The following ARHGEF3 variants were observed in gnomAD, a reference collection of about 807,000 sequenced individuals.
The protein encoded by ARHGEF3 is Rho guanine nucleotide exchange factor 3.
In ARHGEF3, 28 loss-of-function variants were observed where a neutral mutation model predicts 63.2. The observed-to-expected ratio is 0.44, with a 90% CI of 0.33 to 0.61. The LOEUF (loss-of-function observed/expected upper bound fraction) is 0.61, where lower values mean the gene tolerates loss of function less well. Ranked by LOEUF, ARHGEF3 falls within the 20% of genes least tolerant of loss-of-function variation. The pLI is 0.03. For synonymous variants in ARHGEF3, 266 were observed against 254.2 expected (o/e 1.05, Z -0.44); for missense variants, 533 against 659.3 (o/e 0.81, Z 2.10).
chr3:57,054,640 A>C (rs1470654808), intron 1 of ARHGEF3, among the ~76,000 whole-genome samples: 2 of 144,720 alleles, frequency 1.4e-5, no homozygotes, highest in Non-Finnish European at 3.1e-5. Flanking sequence ...CCCCATCTCA[A>C]AAATTTTTTT....
chr3:56,913,159 AC>A (rs1337552252), intron 3 of ARHGEF3, among the ~76,000 whole-genome samples: 2 of 20,058 alleles, frequency 1.0e-4, no homozygotes, highest in South Asian at 1.9e-3. Context: ...AAAAAAAAAA[AC>A]AACAACAACA....
chr3:56,765,006 C>T (rs562732117), intron 2 of ARHGEF3, among the ~76,000 whole-genome samples: 18 of 152,216 alleles, frequency 1.2e-4, no homozygotes, highest in South Asian at 2.1e-4. Context: ...ATCCGCCTGT[C>T]TCGGCCTCCC....
chr3:56,736,909 G>A (rs1331879338), intron 8 of ARHGEF3, among the ~76,000 whole-genome samples: 5 of 152,028 alleles, frequency 3.3e-5, no homozygotes. Context: ...CCTGGCCAAC[G>A]TGGTGAAACC....
intron 3 of ARHGEF3, among the ~76,000 whole-genome samples, chr3:56,956,114 A>C (rs1423801723): frequency 6.6e-6 from 1 of 152,218 alleles, no homozygotes; most frequent in African/African-American, 2.4e-5. Context: ...CTGTTTGGGA[A>C]AATCTTGTGA....
chr3:57,072,119 A>G (rs1281175959), intron 1 of ARHGEF3, among the ~76,000 whole-genome samples: 2 of 125,000 alleles, frequency 1.6e-5, no homozygotes, highest in African/African-American at 5.6e-5. Context: ...ATGGATAATA[A>G]CAAGAGTTGA....
intron 2 of ARHGEF3, among the ~76,000 whole-genome samples, chr3:56,968,314 A>AAT (rs375305092): frequency 0.3 from 17,704 of 58,576 alleles, 4,702 homozygotes; most frequent in Non-Finnish European, 0.41. Context: ...ATATATATAA[A>AAT]ATATATTTTA....
At chr3:56,853,191 A>C (rs1175379070) in intron 4 of ARHGEF3, among the ~76,000 whole-genome samples, 1 of 152,216 alleles carries the variant, frequency 6.6e-6, no homozygotes, top group East Asian at 1.9e-4. Context: ...TGCATTGTTA[A>C]AGAAAAATCT....
chr3:56,901,820 G>T (rs1044903832), intron 3 of ARHGEF3, among the ~76,000 whole-genome samples: 3 of 151,910 alleles, frequency 2.0e-5, no homozygotes, highest in Admixed American at 6.6e-5. Flanking sequence ...CAATATTTTT[G>T]TCAATACATA....
At chr3:56,817,477 C>G (rs1216201381) in intron 4 of ARHGEF3, among the ~76,000 whole-genome samples, 1 of 152,134 alleles carries the variant, frequency 6.6e-6, no homozygotes, top group Non-Finnish European at 1.5e-5. Context: ...GATTCTCTTT[C>G]AACAAATGGA....
chr3:56,917,944 T>C (rs1017155720), intron 3 of ARHGEF3, among the ~76,000 whole-genome samples: 1 of 152,192 alleles, frequency 6.6e-6, no homozygotes. Context: ...AAGCACTCGG[T>C]AATGAGTGTC....
intron 3 of ARHGEF3, among the ~76,000 whole-genome samples, chr3:56,892,892 G>C (rs533066471): frequency 6.6e-6 from 1 of 152,306 alleles, no homozygotes; most frequent in Non-Finnish European, 1.5e-5. Context: ...TTAACCCTAG[G>C]GAGAGCACAG....
intron 3 of ARHGEF3, chr3:56,940,058 C>G (rs1699099528): frequency 6.6e-6 from 1 of 152,180 alleles, no homozygotes. Context: ...AAGGCTGTCT[C>G]TCTGTAGATG....
intron 2 of ARHGEF3, among the ~76,000 whole-genome samples, chr3:56,968,223 A>ATATT (rs1700719710): frequency 1.1e-4 from 4 of 35,538 alleles, no homozygotes; most frequent in African/African-American, 1.8e-4. Context: ...TATTATATAT[A>ATATT]ATATATATAT....
In ARHGEF3 at chr3:56,861,693, GC is replaced by G. The variant is rs149288944; in HGVS notation, c.192+20598del. On this transcript the variant is annotated intron_variant, in intron 4 of 12. Transcript: ENST00000338458. ...GGTCGGAAAGGCCTGGATCTGCTGG[GC>G]CCTCAGGAGGCTGTTCAGGGCCTTG... Among the ~76,000 whole-genome samples, 1,217 of 152,200 alleles carry G rather than the reference GC, an allele frequency of 8.0e-3. 24 individuals carry two copies. The highest frequency in any genetic ancestry group is 0.028 in the African/African-American group (1,149 of 41,512).
At chr3:56,864,599 C>T (rs2040181711) in intron 4 of ARHGEF3, among the ~76,000 whole-genome samples, 1 of 152,202 alleles carries the variant, frequency 6.6e-6, no homozygotes, top group Admixed American at 6.5e-5. Context: ...AGCACCTTGC[C>T]TGGTTTGCTC....
chr3:56,763,769 C>CT (rs1045517144), intron 2 of ARHGEF3, among the ~76,000 whole-genome samples: 7 of 151,612 alleles, frequency 4.6e-5, no homozygotes, highest in Admixed American at 3.3e-4. Flanking sequence ...GGGACAGGGC[C>CT]TTACTATATT....
At chr3:56,997,977 A>G (rs1372893921) in intron 2 of ARHGEF3, among the ~76,000 whole-genome samples, 5 of 152,172 alleles carry the variant, frequency 3.3e-5, no homozygotes, top group Non-Finnish European at 5.9e-5. Context: ...CTGTTTCCTC[A>G]TCTGCAAAAT....
chr3:57,001,986 T>C (rs565880001), intron 2 of ARHGEF3, among the ~76,000 whole-genome samples: 12 of 135,860 alleles, frequency 8.8e-5, no homozygotes, highest in Non-Finnish European at 1.5e-4. Context: ...TGCAGTGGCG[T>C]GATCTCGGCT....
intron 4 of ARHGEF3, among the ~76,000 whole-genome samples, chr3:56,881,035 T>TA (rs11443432): frequency 0.9 from 134,823 of 150,172 alleles, 59,832 homozygotes; most frequent in East Asian, 0.98. Flanking sequence ...TAAAAATAGC[T>TA]AAAAAAAATT....
Sources: allele counts gnomAD v4.1 joint callset (sites outside exome capture counted in the v4.1 genomes callset), GRCh38; gene constraint gnomAD v4.1.1; transcripts MANE v1.5; gene names NCBI Gene and HGNC (gene_info 2026-07-23, HGNC 2026-07-21).